The following PLEKHM1 variants were observed in gnomAD, a reference collection of about 807,000 sequenced individuals.
PLEKHM1 encodes pleckstrin homology domain-containing family M member 1.
PLEKHM1 carries 28 observed loss-of-function variants against 94.3 expected under a neutral mutation model. The observed-to-expected ratio is 0.30, with a 90% CI of 0.22 to 0.41. The LOEUF (loss-of-function observed/expected upper bound fraction) is 0.41, where lower values mean the gene tolerates loss of function less well. PLEKHM1 is among the 10% of genes least tolerant of loss of function. PLEKHM1 has a pLI of 1.00. For missense variants in PLEKHM1, 907 were observed against 1,358.6 expected (o/e 0.67, Z 5.22); for synonymous variants, 424 against 581.2 (o/e 0.73, Z 3.89).
intron 5 of PLEKHM1, chr17:45,459,891 G>T (rs2051101521): frequency 6.8e-6 from 1 of 147,842 alleles, no homozygotes; most frequent in Non-Finnish European, 1.5e-5. Context: ...AAAAGGACAT[G>T]TTGAAACCCT....
chr17:45,464,469 A>G (rs1357939902), intron 5 of PLEKHM1, among the ~76,000 whole-genome samples: 2 of 152,236 alleles, frequency 1.3e-5, no homozygotes, highest in Non-Finnish European at 2.9e-5. Flanking sequence ...ATAGAAGTAC[A>G]GAAAGATGAG....
In PLEKHM1 at chr17:45,453,176, C is replaced by T; in HGVS notation, c.2497+179G>A. On this transcript the variant is annotated intron_variant, in intron 7 of 11. Transcript: ENST00000430334. The surrounding 1 kb of genome is among the most constrained non-coding windows in gnomAD (Gnocchi z 4.1). Reference sequence around the variant, plus strand: ...CCACTGCCTATGAGCAGGGCACTGGCCCCAGCCGGGGCTGGGGAGGAGCAG... The same window carrying T: ...CCACTGCCTATGAGCAGGGCACTGGTCCCAGCCGGGGCTGGGGAGGAGCAG... 4.6e-6 allele frequency: 3 copies of T among 657,912 alleles called. No individual in the cohort carries two copies. The highest frequency in any genetic ancestry group is 3.4e-5 in the South Asian group (2 of 59,054). 40.8% of individuals were successfully genotyped at this position (657,912 alleles called of 1,614,324 possible).
At chr17:45,469,436 C>CTCTCCTGAGGCT (rs2051426927) in intron 4 of PLEKHM1, among the ~76,000 whole-genome samples, 1 of 152,204 alleles carries the variant, frequency 6.6e-6, no homozygotes. Flanking sequence ...CTGCTCCTCC[C>CTCTCCTGAGGCT]TCTCCTGAGG....
rs2050831365 is a variant in PLEKHM1, at chr17:45,453,371, T to G, written c.2481A>C (p.Gln827His). Reference protein sequence around the residue: ...AIPMEKGLDSQGCFCAGCSRQ... With the variant: ...AIPMEKGLDSHGCFCAGCSRQ... ...AATCGGCACCTGCGCAGAAGCAGCC[T>G]TGGGAGTCAAGGCCTTTCTCCATGG... The change falls in exon 7 of 12, where the codon CAA (glutamine) becomes CAC (histidine). Residue 827 changes from glutamine (Q) to histidine (H), a missense_variant. By Grantham distance (24) the Gln-to-His change is conservative (BLOSUM62 0). This residue lies in a region of PLEKHM1 where 254 missense variants were observed against 451.1 expected (regional missense o/e 0.56). Coordinates refer to ENST00000430334, the MANE Select transcript of PLEKHM1 (RefSeq NM_014798.3). This position sits in a 1 kb window ranked among gnomAD's most constrained non-coding sequence, Gnocchi z 4.1. 2 of 1,613,438 alleles carry G rather than the reference T, an allele frequency of 1.2e-6. No homozygotes were observed. The highest frequency in any genetic ancestry group is 1.3e-5 in the African/African-American group (1 of 74,862).
intron 3 of PLEKHM1, 129 bp downstream of exon 3, chr17:45,477,771 C>A (rs2051799812): frequency 9.2e-7 from 1 of 1,082,024 alleles, no homozygotes; most frequent in Non-Finnish European, 1.4e-6. Context: ...TCAACCCCTA[C>A]CTCACCCTCT....
intron 9 of PLEKHM1, 66 bp from the exon 10 acceptor site, chr17:45,440,292 G>T: frequency 6.8e-7 from 1 of 1,467,954 alleles, no homozygotes; most frequent in Non-Finnish European, 9.5e-7. Flanking sequence ...TGTGTTGTTT[G>T]TTTACACTCC....
intron 5 of PLEKHM1, among the ~76,000 whole-genome samples, chr17:45,461,163 A>G (rs149296273): frequency 0.036 from 5,462 of 152,322 alleles, 342 homozygotes; most frequent in African/African-American, 0.13. Flanking sequence ...CTGGGATTGC[A>G]GGCATGAGCG....
chr17:45,472,015 T>C (rs896618983), intron 4 of PLEKHM1, among the ~76,000 whole-genome samples: 2 of 152,220 alleles, frequency 1.3e-5, no homozygotes, highest in African/African-American at 4.8e-5. Flanking sequence ...TAAATTTCAT[T>C]TTGAATGTTG....
At chr17:45,452,064 AG>A (rs2050789567) in intron 7 of PLEKHM1, among the ~76,000 whole-genome samples, 1 of 152,166 alleles carries the variant, frequency 6.6e-6, no homozygotes, top group Non-Finnish European at 1.5e-5. Flanking sequence ...ACCAAGGCTC[AG>A]CTTCTTGCTC....
chr17:45,445,532 C>T lies in PLEKHM1; in HGVS notation c.2775G>A (p.Leu925=). 1 of 1,613,914 alleles carries T rather than the reference C, an allele frequency of 6.2e-7. No homozygotes were observed. The highest frequency in any genetic ancestry group is 2.2e-5 in the East Asian group (1 of 44,892). ...MHLIGRRREQ[L]KLLGDYLGLC... ...GGCCCAGGTAATCCCCCAGGAGCTT[C>T]AGCTGCTCCCGTCTCCTCCCAATGA... Residue 925 remains leucine (L), a synonymous_variant, in exon 9 of 12, where the codon CTG becomes CTA. Transcript: ENST00000430334. The surrounding 1 kb of genome is among the most constrained non-coding windows in gnomAD (Gnocchi z 4.2).
In PLEKHM1 at chr17:45,440,342, G is replaced by A. The variant is rs1281604940; in HGVS notation, c.2838-116C>T. On this transcript the variant is annotated intron_variant, in intron 9 of 11. Transcript: ENST00000430334. ...CCAGGCAGACACCCCCCGCCTGGGCGGGGCAGGGGCTAGGAGTGTAATTCG... is the reference window on the plus strand; with the variant it reads ...CCAGGCAGACACCCCCCGCCTGGGCAGGGCAGGGGCTAGGAGTGTAATTCG... 3.8e-5 allele frequency: 39 copies of A among 1,017,806 alleles called. No homozygotes were observed. The East Asian group carries it at 4.1e-4, about 11-fold the overall frequency. 63.0% of individuals were successfully genotyped at this position (1,017,806 alleles called of 1,614,324 possible). A position where few individuals can be genotyped will look rare whatever the true frequency, so the allele number is the denominator to read the frequency against.
At chr17:45,465,669 C>A (rs532511506) in intron 5 of PLEKHM1, among the ~76,000 whole-genome samples, 5 of 152,194 alleles carry the variant, frequency 3.3e-5, no homozygotes, top group Admixed American at 3.3e-4. Context: ...GAGATTGCAC[C>A]ACTGTACTTC....
At chr17:45,469,532 G>A (rs552785752) in intron 4 of PLEKHM1, among the ~76,000 whole-genome samples, 52 of 152,306 alleles carry the variant, frequency 3.4e-4, no homozygotes, top group African/African-American at 5.5e-4. Context: ...CATGTCATGG[G>A]CAAAGCCTGG....
chr17:45,463,974 C>T (rs1336114271), intron 5 of PLEKHM1: 1 of 152,166 alleles, frequency 6.6e-6, no homozygotes, highest in African/African-American at 2.4e-5. Context: ...CTTTGTCCAG[C>T]CAGTCCTCAT....
rs2050832819 is a variant in PLEKHM1, at chr17:45,453,400, T to C, written c.2452A>G (p.Ile818Val). Reference protein sequence around the residue: ...NGFLLQYLVAIPMEKGLDSQG... With the variant: ...NGFLLQYLVAVPMEKGLDSQG... ...GAGTCAAGGCCTTTCTCCATGGGGA[T>C]AGCCACCAGGTACTGCAGCAGGAAG... The change falls in exon 7 of 12, where the codon ATC becomes GTC. Residue 818 changes from isoleucine (I) to valine (V), a missense_variant. This residue lies in a region of PLEKHM1 where 254 missense variants were observed against 451.1 expected (regional missense o/e 0.56). Transcript: ENST00000430334. This position sits in a 1 kb window ranked among gnomAD's most constrained non-coding sequence, Gnocchi z 4.1. 1.9e-6 allele frequency: 3 copies of C among 1,613,728 alleles called. No individual in the cohort carries two copies. The highest frequency in any genetic ancestry group is 1.3e-5 in the African/African-American group (1 of 74,884).
chr17:45,469,747 T>A (rs562475450), intron 4 of PLEKHM1, among the ~76,000 whole-genome samples: 10 of 152,300 alleles, frequency 6.6e-5, no homozygotes, highest in African/African-American at 2.4e-4. Flanking sequence ...GACATTATGG[T>A]CAAGAATAGG....
rs748078798 is a variant in PLEKHM1, at chr17:45,454,186, C to T, written c.1666G>A (p.Glu556Lys). The T allele has an allele frequency of 1.4e-5, 23 of 1,613,216 alleles. No individual in the cohort carries two copies. The highest frequency in any genetic ancestry group is 1.9e-5 in the Non-Finnish European group (22 of 1,179,722). The change falls in exon 7 of 12, where the codon GAG (glutamate) becomes AAG (lysine). Residue 556 changes from glutamate (E) to lysine (K), a missense_variant. By Grantham distance (56) the Glu-to-Lys change is moderately conservative. Around this residue, in one of 3 missense-constraint regions of PLEKHM1, gnomAD observed 477 missense variants for 601.5 expected, o/e 0.79. Coordinates refer to ENST00000430334, the MANE Select transcript of PLEKHM1 (RefSeq NM_014798.3). ...AMGIWKELFC[E>K]LSPLEFRLYL... The stretch of plus-strand genomic sequence containing the variant: ...AGGCGGAACTCCAGCGGGGAGAGCT[C>T]GCAGAAGAGCTCCTTCCAGATGCCC...
chr17:45,462,743 G>A (rs1003647004), intron 5 of PLEKHM1, among the ~76,000 whole-genome samples: 1 of 152,116 alleles, frequency 6.6e-6, no homozygotes, highest in Non-Finnish European at 1.5e-5. Flanking sequence ...AACAAAGGTG[G>A]GTCAAGTGGA....
chr17:45,458,116 A>T lies in PLEKHM1; in HGVS notation c.1579+53T>A. The stretch of plus-strand genomic sequence containing the variant: ...AACAGAACTTCACAGCTGCCTTCTG[A>T]AAGGCCTGGTCCCTGCAGATGGGAC... On this transcript the variant is annotated intron_variant, in intron 6 of 11. Transcript: ENST00000430334. 3 of 1,546,176 alleles carry T rather than the reference A, an allele frequency of 1.9e-6. No individual in the cohort carries two copies. The South Asian group carries it at 3.4e-5, about 18-fold the overall frequency.
Sources: allele counts gnomAD v4.1 joint callset (sites outside exome capture counted in the v4.1 genomes callset), GRCh38; gene constraint gnomAD v4.1.1; regional missense constraint gnomAD v4.1.1; non-coding constraint Gnocchi (gnomAD v3.1); transcripts MANE v1.5; gene names NCBI Gene and HGNC (gene_info 2026-07-23, HGNC 2026-07-21).